KATNAL2: variants seen among roughly 807,000 people sequenced by gnomAD.
KATNAL2 encodes katanin p60 ATPase-containing subunit A-like 2.
Under a neutral mutation model 76.3 loss-of-function variants are expected in KATNAL2, and 52 were observed. The observed-to-expected ratio is 0.68, with a 90% CI of 0.55 to 0.86. The LOEUF is 0.86. KATNAL2 is among the 40% of genes least tolerant of loss of function. KATNAL2 has a pLI of 0.00. For synonymous variants in KATNAL2, 243 were observed against 244.2 expected, an observed-to-expected ratio of 1.00 and a Z score of 0.05; for missense variants, 660 against 668.9, an observed-to-expected ratio of 0.99 and a Z score of 0.15.
At chr18:46,945,370 A>C (rs1358316110) in intron 1 of KATNAL2, among the ~76,000 whole-genome samples, 1 of 152,220 alleles carries the variant, frequency 6.6e-6, no homozygotes, top group Non-Finnish European at 1.5e-5. Context: ...GAGTTATCCT[A>C]GAAAGTGACA....
At chr18:47,034,422 T>C in intron 3 of KATNAL2, 1 of 1,614,088 alleles carries the variant, frequency 6.2e-7, no homozygotes, top group South Asian at 1.1e-5. Context: ...CTTCCTTGTC[T>C]GTCTTGAAGT....
intron 10 of KATNAL2, among the ~76,000 whole-genome samples, chr18:47,065,349 G>A (rs970895643): frequency 6.6e-6 from 1 of 151,456 alleles, no homozygotes; most frequent in African/African-American, 2.4e-5. Flanking sequence ...GCAACATAAT[G>A]AGACCCCATT....
intron 3 of KATNAL2, among the ~76,000 whole-genome samples, chr18:47,043,226 CAAAAAAAAAA>C (rs1195140135): frequency 7.2e-5 from 3 of 41,688 alleles, no homozygotes; most frequent in Admixed American, 3.0e-4. Context: ...GACTCCGTTT[CAAAAAAAAAA>C]AAAAAAAAAG....
At chr18:47,071,005 G>T (rs1476894614) in intron 13 of KATNAL2, among the ~76,000 whole-genome samples, 1 of 151,930 alleles carries the variant, frequency 6.6e-6, no homozygotes, top group African/African-American at 2.4e-5. Flanking sequence ...TTGAACAACA[G>T]TTGGCCCTTC....
intron 3 of KATNAL2, among the ~76,000 whole-genome samples, chr18:46,955,227 T>C (rs556468953): frequency 6.8e-6 from 1 of 147,632 alleles, no homozygotes; most frequent in East Asian, 2.0e-4. Flanking sequence ...CTTTCTTTTT[T>C]TTTTTTGAGA....
In KATNAL2 at chr18:47,047,319, C is replaced by A. The variant is rs535792452; in HGVS notation, c.122+792C>A. On this transcript the variant is annotated intron_variant, in intron 4 of 17. Coordinates refer to ENST00000683218, the MANE Select transcript of KATNAL2 (RefSeq NM_001387690.1). ...CTATCCAGTACATAAAGTACTTTTC[C>A]TTTCCTCTACACATTTGAAGATAGC... Among the ~76,000 whole-genome samples, 64 of 152,278 alleles carry A rather than the reference C, an allele frequency of 4.2e-4. No homozygotes were observed. In the South Asian group the frequency reaches 6.4e-3, roughly 15 times the overall value.
intron 3 of KATNAL2, among the ~76,000 whole-genome samples, chr18:46,953,099 T>G (rs2059617601): frequency 6.6e-6 from 1 of 151,884 alleles, no homozygotes; most frequent in African/African-American, 2.4e-5. Flanking sequence ...TTTCACCGTG[T>G]TAGCCAGGAT....
chr18:47,092,571 TC>T (rs1286382293), intron 15 of KATNAL2, among the ~76,000 whole-genome samples: 3 of 152,148 alleles, frequency 2.0e-5, no homozygotes, highest in African/African-American at 7.2e-5. Context: ...CTCCTATAAT[TC>T]AGTCACAACT....
At chr18:47,087,949 C>T (rs1048224014) in intron 15 of KATNAL2, among the ~76,000 whole-genome samples, 1 of 151,992 alleles carries the variant, frequency 6.6e-6, no homozygotes, top group Non-Finnish European at 1.5e-5. Context: ...ATTTATTTGA[C>T]TTTTCTTTTT....
At chr18:47,044,791 A>G (rs2061098960) in intron 3 of KATNAL2, among the ~76,000 whole-genome samples, 1 of 141,608 alleles carries the variant, frequency 7.1e-6, no homozygotes, top group Admixed American at 7.1e-5. Context: ...AAACAAAAAC[A>G]GTTTAAAATG....
intron 3 of KATNAL2, chr18:47,033,787 G>T: frequency 1.9e-6 from 3 of 1,614,222 alleles, no homozygotes; most frequent in Non-Finnish European, 2.5e-6. Context: ...CTTTGGTGAA[G>T]AGAGTGCTTC....
chr18:47,066,865 A>ATATG (rs2061820062), intron 10 of KATNAL2, among the ~76,000 whole-genome samples, 156 bp from the exon 11 acceptor site: 1 of 70,592 alleles, frequency 1.4e-5, no homozygotes, highest in Non-Finnish European at 3.0e-5. Context: ...ATATATATAT[A>ATATG]TATATATATA....
At chr18:46,936,784 T>C (rs1184793861) in intron 1 of KATNAL2, among the ~76,000 whole-genome samples, 1 of 152,100 alleles carries the variant, frequency 6.6e-6, no homozygotes, top group East Asian at 1.9e-4. Context: ...AAACCCCATC[T>C]CTACTAAAAA....
intron 1 of KATNAL2, among the ~76,000 whole-genome samples, chr18:46,937,519 TTAATAA>T (rs147016178): frequency 0.019 from 2,951 of 152,136 alleles, 83 homozygotes; most frequent in African/African-American, 0.066. Context: ...TGGGCTTTAG[TTAATAA>T]TAATGTATCA....
intron 3 of KATNAL2, chr18:47,032,775 T>C (rs927091778): frequency 7.0e-6 from 5 of 718,010 alleles, no homozygotes; most frequent in Non-Finnish European, 1.1e-5. Flanking sequence ...TTGTTCCCAA[T>C]GCGTTCATAT....
chr18:46,951,357 GA>G (rs2059547685), intron 3 of KATNAL2, among the ~76,000 whole-genome samples: 1 of 150,422 alleles, frequency 6.6e-6, no homozygotes, highest in Non-Finnish European at 1.5e-5. Flanking sequence ...CTTTCCAACA[GA>G]ACTGTAAAAT....
intron 10 of KATNAL2, among the ~76,000 whole-genome samples, chr18:47,065,466 A>G (rs879621771): frequency 1.3e-5 from 2 of 151,690 alleles, no homozygotes; most frequent in Admixed American, 1.3e-4. Context: ...GAACAGGGAG[A>G]GGTTCTGGAA....
rs1397258683 is a variant in KATNAL2, at chr18:46,946,391, C to T, written c.-175C>T. 1 of 1,033,068 alleles carries T rather than the reference C, an allele frequency of 9.7e-7. No individual in the cohort carries two copies. The highest frequency in any genetic ancestry group is 1.2e-6 in the Non-Finnish European group (1 of 857,464). 64.0% of individuals were successfully genotyped at this position (1,033,068 alleles called of 1,614,324 possible). A position where few individuals can be genotyped will look rare whatever the true frequency, so the allele number is the denominator to read the frequency against. ...GCAGATTCGTCCAGTCTAGATAGAC[C>T]ATGCACAGAGAATTTCAAAGAAAAG... On this transcript the variant is annotated 5_prime_UTR_variant, in exon 2 of 18. Transcript: ENST00000683218.
At chr18:47,031,877 C>A (rs1438209351) in intron 3 of KATNAL2, among the ~76,000 whole-genome samples, 1 of 152,134 alleles carries the variant, frequency 6.6e-6, no homozygotes, top group African/African-American at 2.4e-5. Context: ...TGTCTCCATC[C>A]TGGCTTTTTT....
Sources: gnomAD v4.1 joint callset for allele counts (sites outside exome capture counted in the v4.1 genomes callset) on GRCh38, gnomAD v4.1.1 for gene constraint, MANE v1.5 for transcripts, NCBI Gene and HGNC (gene_info 2026-07-23, HGNC 2026-07-21) for gene names.